Variants in ETFBKMT observed in about 807,000 individuals in gnomAD.
The protein encoded by ETFBKMT is electron transfer flavoprotein beta subunit lysine methyltransferase.
A neutral mutation model predicts 18.3 loss-of-function variants in ETFBKMT; 13 were observed. The observed-to-expected ratio is 0.71, with a 90% CI of 0.46 to 1.13. ETFBKMT has a LOEUF of 1.13. ETFBKMT is among the 50% of genes most tolerant of loss of function. ETFBKMT has a pLI of 0.00. For missense variants in ETFBKMT, 293 were observed against 306.2 expected, an observed-to-expected ratio of 0.96 and a Z score of 0.32; for synonymous variants, 84 against 107.9, an observed-to-expected ratio of 0.78 and a Z score of 1.37.
intron 2 of ETFBKMT, among the ~76,000 whole-genome samples, chr12:31,662,513 T>C (rs1313761678): frequency 2.0e-5 from 3 of 150,460 alleles, no homozygotes; most frequent in Admixed American, 1.3e-4. Context: ...TTCTTTTTTT[T>C]TTTTTTTTTT....
At position 31,647,553 on chromosome 12, in the gene ETFBKMT, T is replaced by C. The variant is rs1042475771; in HGVS notation, c.-114+298T>C. 2.6e-5 allele frequency among the ~76,000 whole-genome samples: 4 copies of C among 152,138 alleles called. No individual in the cohort carries two copies. The East Asian group carries it at 7.7e-4, about 29-fold the overall frequency. ...CTTATTTTGAAGCTTAAAGAGGTAA[T>C]TTAGGGGCTGGGCGCGTGTAATCCC... On this transcript the variant is annotated intron_variant, in intron 1 of 3. Coordinates refer to the ETFBKMT transcript ENST00000412352.
chr12:31,655,906 A>G (rs1951058180), upstream of ETFBKMT, among the ~76,000 whole-genome samples: 1 of 152,236 alleles, frequency 6.6e-6, no homozygotes, highest in Non-Finnish European at 1.5e-5. Flanking sequence ...TGGGTTGACA[A>G]TACATATGTC....
intron 2 of ETFBKMT, among the ~76,000 whole-genome samples, chr12:31,665,658 C>G (rs981840525): frequency 1.3e-5 from 2 of 152,166 alleles, no homozygotes; most frequent in Admixed American, 6.5e-5. Flanking sequence ...GAGCCCCGAA[C>G]AGAGATTTAC....
At position 31,662,051 on chromosome 12, in the gene ETFBKMT, A is replaced by G. The variant is rs1207669160; in HGVS notation, c.98A>G (p.Gln33Arg). 4 of 1,614,212 alleles carry G rather than the reference A, an allele frequency of 2.5e-6. No individual in the cohort carries two copies. The highest frequency in any genetic ancestry group is 3.4e-6 in the Non-Finnish European group (4 of 1,180,020). ...SSGLLLFPCG[Q>R]CPWRGAGSFL... ...GGTCTTCTCTTGTTTCCCTGTGGCCAGTGTCCCTGGAGAGGAGCTGGAAGC... is the reference window on the plus strand; with the variant it reads ...GGTCTTCTCTTGTTTCCCTGTGGCCGGTGTCCCTGGAGAGGAGCTGGAAGC... Residue 33 changes from glutamine to arginine, a missense_variant, in exon 2 of 4, where the codon CAG becomes CGG. Physicochemically the swap from Gln to Arg is conservative, Grantham distance 43. Transcript: ENST00000357721.
intron 1 of ETFBKMT, among the ~76,000 whole-genome samples, chr12:31,647,916 T>C (rs545443712): frequency 3.0e-4 from 45 of 151,886 alleles, no homozygotes; most frequent in Non-Finnish European, 6.3e-4. Flanking sequence ...AAATTGCTGG[T>C]GAGAATGTAA....
intron 1 of ETFBKMT, among the ~76,000 whole-genome samples, chr12:31,652,637 A>G (rs550559307): frequency 6.6e-6 from 1 of 152,304 alleles, no homozygotes; most frequent in East Asian, 1.9e-4. Context: ...GACGATCCCA[A>G]GGGAGTAGAG....
chr12:31,655,799 A>C (rs905710083), upstream of ETFBKMT, among the ~76,000 whole-genome samples: 6 of 152,106 alleles, frequency 3.9e-5, no homozygotes, highest in African/African-American at 1.2e-4. Context: ...CGGGCCACAG[A>C]CTCATGTTTC....
chr12:31,653,095 G>T (rs1169124716), intron 1 of ETFBKMT, among the ~76,000 whole-genome samples: 4 of 151,954 alleles, frequency 2.6e-5, no homozygotes, highest in Non-Finnish European at 4.4e-5. Context: ...TGTAGTCCCA[G>T]CTACTCAGGA....
rs1324246507 is a variant in ETFBKMT at position 31,670,362 on chromosome 12, G to C, written c.*2372G>C. 2 of 152,140 alleles carry C rather than the reference G, an allele frequency of 1.3e-5. No individual in the cohort carries two copies. The highest frequency in any genetic ancestry group is 2.9e-5 in the Non-Finnish European group (2 of 68,032). The allele number at this position is 152,140 out of a possible 1,614,324, so 9.4% of individuals were successfully genotyped here. ...AGTGTTGTTGACTTTTCAGTTTATT[G>C]AGCTTTTTTCTTATTGTGAGGATGG... is the stretch of plus-strand genomic sequence containing the variant. On this transcript the variant is annotated 3_prime_UTR_variant, in exon 4 of 4. Coordinates refer to ENST00000357721, the MANE Select transcript of ETFBKMT (RefSeq NM_001135863.2).
At chr12:31,662,895 C>T (rs891650030) in intron 2 of ETFBKMT, among the ~76,000 whole-genome samples, 1 of 152,038 alleles carries the variant, frequency 6.6e-6, no homozygotes, top group Non-Finnish European at 1.5e-5. Flanking sequence ...CTCCATAAAC[C>T]TCACATTCCT....
rs1274239403 is a variant in ETFBKMT, at chr12:31,667,959, C to CA, written c.760dup (p.Thr254AsnfsTer26). ...ACTAGGCAGGAAAACAGTGGACTGA[C>CA]AACAAGCACAGTGTGGGGTTTTCAG... On this transcript the variant is annotated frameshift_variant, in exon 4 of 4. Transcript: ENST00000357721. LOFTEE classifies it high-confidence loss of function. 6.2e-7 allele frequency: 1 copy of CA among 1,613,924 alleles called. No individual in the cohort carries two copies. The highest frequency in any genetic ancestry group is 1.7e-5 in the Admixed American group (1 of 60,006).
intron 1 of ETFBKMT, among the ~76,000 whole-genome samples, chr12:31,649,793 T>A (rs1302770441): frequency 1.3e-5 from 2 of 149,144 alleles, no homozygotes; most frequent in Non-Finnish European, 3.0e-5. Context: ...AGACAGAATC[T>A]CTCTCCGTAG....
chr12:31,657,296 CTGCTTGGA>C (rs761621356), upstream of ETFBKMT, among the ~76,000 whole-genome samples: 2 of 152,198 alleles, frequency 1.3e-5, no homozygotes, highest in Non-Finnish European at 2.9e-5. Context: ...GTTCACAAGT[CTGCTTGGA>C]TGTATGTGGG....
intron 1 of ETFBKMT, among the ~76,000 whole-genome samples, chr12:31,660,370 G>A (rs7955365): frequency 0.059 from 8,934 of 151,932 alleles, 518 homozygotes; most frequent in East Asian, 0.27. Flanking sequence ...CCCCTTGTGG[G>A]GATTTGGATT....
chr12:31,648,557 CT>C (rs764501978), intron 1 of ETFBKMT, among the ~76,000 whole-genome samples: 4,240 of 82,498 alleles, frequency 0.051, 36 homozygotes, highest in African/African-American at 0.17. Context: ...AGATGGGTTT[CT>C]TTTTTTTTTT....
At chr12:31,660,240 C>G (rs1011329905) in intron 1 of ETFBKMT, among the ~76,000 whole-genome samples, 6 of 147,348 alleles carry the variant, frequency 4.1e-5, no homozygotes, top group African/African-American at 1.5e-4. Flanking sequence ...TTTGAGAAAT[C>G]GGAGGATCTG....
chr12:31,671,832 A>G lies in ETFBKMT; in HGVS notation c.*3842A>G, dbSNP rs1308522151. 6.5e-6 allele frequency: 1 copy of G among 153,052 alleles called. No homozygotes were observed. The highest frequency in any genetic ancestry group is 1.5e-5 in the Non-Finnish European group (1 of 68,642). The allele number at this position is 153,052 out of a possible 1,614,324, so 9.5% of individuals were successfully genotyped here. The stretch of plus-strand genomic sequence containing the variant: ...TTGATGTTCAGGTCTGCTTTTGGCA[A>G]ATGGGCATTTAAATACTCCAAGAAG... On this transcript the variant is annotated 3_prime_UTR_variant, in exon 4 of 4. Transcript: ENST00000357721.
At chr12:31,666,348 A>C (rs1474148539) in intron 3 of ETFBKMT, 131 bp downstream of exon 3, 1 of 961,232 alleles carries the variant, frequency 1.0e-6, no homozygotes, top group Non-Finnish European at 1.5e-6. Context: ...ATCTCTGTGC[A>C]CTGGGACATT....
At chr12:31,653,147 T>G (rs145166142) in intron 1 of ETFBKMT, among the ~76,000 whole-genome samples, 2,688 of 147,484 alleles carry the variant, frequency 0.018, 33 homozygotes, top group Middle Eastern at 0.033. Context: ...AGGCAGAGGT[T>G]GCAGTGAGCT....
Sources: allele counts gnomAD v4.1 joint callset (sites outside exome capture counted in the v4.1 genomes callset), GRCh38; gene constraint gnomAD v4.1.1; transcripts MANE v1.5; gene names NCBI Gene and HGNC (gene_info 2026-07-23, HGNC 2026-07-21).